ZBTB49: variants seen among roughly 807,000 people sequenced by gnomAD.
ZBTB49 encodes zinc finger and BTB domain-containing protein 49.
Under a neutral mutation model 57.5 loss-of-function variants are expected in ZBTB49, and 43 were observed. That is an observed-to-expected ratio of 0.75 (90% CI 0.59 to 0.97). The LOEUF (loss-of-function observed/expected upper bound fraction) is 0.97. Ranked by LOEUF, ZBTB49 falls within the 50% of genes least tolerant of loss-of-function variation. The pLI is 0.00. For synonymous variants in ZBTB49, 369 were observed against 362.1 expected (o/e 1.02, Z -0.22); for missense variants, 938 against 947.7 (o/e 0.99, Z 0.13).
chr4:4,311,038 T>C (rs1720964025), intron 4 of ZBTB49, among the ~76,000 whole-genome samples: 1 of 152,230 alleles, frequency 6.6e-6, no homozygotes, highest in African/African-American at 2.4e-5. Flanking sequence ...TTAGTTTTAT[T>C]TAATCTGCTT....
chr4:4,301,798 A>G (rs1005043369), intron 2 of ZBTB49, among the ~76,000 whole-genome samples, 191 bp from the exon 3 acceptor site: 2 of 146,156 alleles, frequency 1.4e-5, no homozygotes, highest in Admixed American at 7.2e-5. Flanking sequence ...CAATCCACCA[A>G]TTTAATTCAT....
At chr4:4,298,901 G>A (rs1720341106) in intron 1 of ZBTB49, among the ~76,000 whole-genome samples, 1 of 152,206 alleles carries the variant, frequency 6.6e-6, no homozygotes, top group African/African-American at 2.4e-5. Context: ...TCGTGCATCA[G>A]GCACTTTCGT....
In ZBTB49 at chr4:4,321,055, G is replaced by A; in HGVS notation, c.2037G>A (p.Lys679=). The change falls in exon 8 of 8, where the codon AAG becomes AAA. Residue 679 remains lysine (K), a synonymous_variant. Transcript: ENST00000337872. ...KLSLDPGKLA[K]PQMQQTQPQA... ...GTTTGGATCCTGGTAAACTTGCCAA[G>A]CCCCAGATGCAGCAGACACAGCCTC... 3 of 1,614,202 alleles carry A rather than the reference G, an allele frequency of 1.9e-6. No homozygotes were observed. The highest frequency in any genetic ancestry group is 2.5e-6 in the Non-Finnish European group (3 of 1,180,042).
At chr4:4,296,560 G>A (rs922378249) in intron 1 of ZBTB49, among the ~76,000 whole-genome samples, 4 of 152,190 alleles carry the variant, frequency 2.6e-5, no homozygotes, top group African/African-American at 7.2e-5. Flanking sequence ...AGATTGTGAG[G>A]CCTCTCCAGG....
rs565933595 is a variant in ZBTB49 at position 4,319,271 on chromosome 4, T to A, written c.1622-1369T>A. Among the ~76,000 whole-genome samples, 363 of 149,764 alleles carry A rather than the reference T, an allele frequency of 2.4e-3. 3 individuals are homozygous for A. The highest frequency in any genetic ancestry group is 3.2e-3 in the Non-Finnish European group (212 of 67,222). Reference sequence around the variant, plus strand: ...ATCCAGTTTGATTATTCAAAGGCTTTAAAAAAAAAATAGCCTAGCCATTGC... The same window carrying A: ...ATCCAGTTTGATTATTCAAAGGCTTAAAAAAAAAAATAGCCTAGCCATTGC... On this transcript the variant is annotated intron_variant, in intron 7 of 7. Coordinates refer to ENST00000337872, the MANE Select transcript of ZBTB49 (RefSeq NM_145291.4).
rs1720522040 is a variant in ZBTB49 at position 4,302,366 on chromosome 4, C to T, written c.530C>T (p.Ala177Val). The change falls in exon 3 of 8, where the codon GCT becomes GTT. Residue 177 changes from alanine to valine, a missense_variant. This residue lies in a region of ZBTB49 where 835 missense variants were observed against 819.1 expected (regional missense o/e 1.02). Transcript: ENST00000337872. ...ACGTTGGATGAATCGCATCCGCATG[C>T]TTCACCATCAGTTAATCGTCATCAC... is the stretch of plus-strand genomic sequence containing the variant. ...NKTLDESHPH[A>V]SPSVNRHHSA... 6.2e-7 allele frequency: 1 copy of T among 1,614,250 alleles called. No homozygotes were observed. The highest frequency in any genetic ancestry group is 1.3e-5 in the African/African-American group (1 of 75,064).
chr4:4,311,291 T>A (rs148001846), intron 4 of ZBTB49, among the ~76,000 whole-genome samples: 1 of 152,320 alleles, frequency 6.6e-6, no homozygotes, highest in Admixed American at 6.5e-5. Context: ...GAATACATAG[T>A]TTACAAAATA....
Position 4,302,038 on chromosome 4 carries a change from G to A in ZBTB49, c.202G>A (p.Asp68Asn), listed in dbSNP as rs762458280. 3.1e-6 allele frequency: 5 copies of A among 1,590,798 alleles called. No individual in the cohort carries two copies. In the South Asian group the frequency reaches 4.6e-5, roughly 15 times the overall value. The change falls in exon 3 of 8, where the codon GAT (aspartate) becomes AAT (asparagine). Residue 68 changes from aspartate (D) to asparagine (N), a missense_variant. Around this residue, in one of 3 missense-constraint regions of ZBTB49, gnomAD observed 100 missense variants for 112.5 expected, o/e 0.89. Transcript: ENST00000337872. ...CCAGAAGAATGATGTTTTTCACTTG[G>A]ATGTTAAAAATGTCAGTGGCATAGG... ...SSQKNDVFHL[D>N]VKNVSGIGQI...
chr4:4,306,506 A>C (rs553376763), intron 4 of ZBTB49, among the ~76,000 whole-genome samples: 94 of 152,330 alleles, frequency 6.2e-4, no homozygotes, highest in African/African-American at 2.2e-3. Flanking sequence ...TGGAGGCTGC[A>C]CATTGTGCTG....
At chr4:4,297,674 TGTG>T (rs1395481197) in intron 1 of ZBTB49, among the ~76,000 whole-genome samples, 2 of 151,544 alleles carry the variant, frequency 1.3e-5, no homozygotes, top group Non-Finnish European at 2.9e-5. Context: ...TAGTCACAGT[TGTG>T]GTGGGAGGAT....
intron 7 of ZBTB49, among the ~76,000 whole-genome samples, chr4:4,318,882 G>GT (rs1258030242): frequency 3.9e-5 from 3 of 77,456 alleles, no homozygotes; most frequent in Non-Finnish European, 5.4e-5. Context: ...TTTGGTTTTT[G>GT]TTTTTTTTAA....
Position 4,306,064 on chromosome 4 carries a change from A to C in ZBTB49, c.1256-74A>C. ...TAATGCCATTTTGAAAGTACATAGG[A>C]GGTCATTTAAACAAAAAATTATTGA... On this transcript the variant is annotated intron_variant, in intron 3 of 7. Coordinates refer to ENST00000337872, the MANE Select transcript of ZBTB49 (RefSeq NM_145291.4). 2.4e-6 allele frequency: 3 copies of C among 1,244,134 alleles called. No homozygotes were observed. In the East Asian group the frequency reaches 7.0e-5, roughly 29 times the overall value. 77.1% of individuals were successfully genotyped at this position (1,244,134 alleles called of 1,614,324 possible). A position where few individuals can be genotyped will look rare whatever the true frequency, so the allele number is the denominator to read the frequency against.
At position 4,302,028 on chromosome 4, in the gene ZBTB49, T is replaced by A. The variant is rs1720493807; in HGVS notation, c.192T>A (p.Val64=). The A allele has an allele frequency of 6.3e-7, 1 of 1,587,408 alleles. No homozygotes were observed. Among genetic ancestry groups the A allele is most frequent in the Admixed American group, 1.8e-5 (1 of 56,950 alleles). Residue 64 remains valine (V), a synonymous_variant, in exon 3 of 8, where the codon GTT becomes GTA. Transcript: ENST00000337872. Reference sequence around the variant, plus strand: ...ATTCTTCAAGCCAGAAGAATGATGTTTTTCACTTGGATGTTAAAAATGTCA... The same window carrying A: ...ATTCTTCAAGCCAGAAGAATGATGTATTTCACTTGGATGTTAAAAATGTCA... The part of the protein sequence containing the change: ...FQNSSSQKND[V]FHLDVKNVSG...
chr4:4,320,551 G>T, intron 7 of ZBTB49, 89 bp from the exon 8 acceptor site: 5 of 1,522,994 alleles, frequency 3.3e-6, no homozygotes, highest in Non-Finnish European at 4.4e-6. Flanking sequence ...GAGGAAGAAG[G>T]ATTGTTTGAG....
rs992447587 is a variant in ZBTB49 at position 4,294,867 on chromosome 4, G to A, written c.-20+4515G>A. On this transcript the variant is annotated intron_variant, in intron 1 of 7. Coordinates refer to ENST00000337872, the MANE Select transcript of ZBTB49 (RefSeq NM_145291.4). ...TAATTTTAACAGGTCTGTGGAGGAG[G>A]GTTTCGTGTGTGTGTGTGTGTGTGT... is the stretch of plus-strand genomic sequence containing the variant. Among the ~76,000 whole-genome samples the A allele has an allele frequency of 1.6e-4, 21 of 134,818 alleles. No homozygotes were observed. In the East Asian group the frequency reaches 4.4e-3, roughly 28 times the overall value. 88.4% of individuals were successfully genotyped at this position (134,818 alleles called of 152,430 possible).
chr4:4,321,487 G>T lies in ZBTB49; in HGVS notation c.*171G>T, dbSNP rs937851742. 23 of 769,262 alleles carry T rather than the reference G, an allele frequency of 3.0e-5. 1 individual carries two copies. Among genetic ancestry groups the T allele is most frequent in the Middle Eastern group, 7.4e-4 (2 of 2,718 alleles). 47.7% of individuals were successfully genotyped at this position (769,262 alleles called of 1,614,324 possible). On this transcript the variant is annotated 3_prime_UTR_variant, in exon 8 of 8. Transcript: ENST00000337872. ...GAAGCATCTTGAGCTGGGGGTGTGA[G>T]GGGGAGGGCCTGCTGGCTCACCGTG... is the stretch of plus-strand genomic sequence containing the variant.
rs373035362 is a variant in ZBTB49 at position 4,303,128 on chromosome 4, C to T, written c.1255+37C>T. The T allele has an allele frequency of 1.8e-4, 276 of 1,525,766 alleles. 2 individuals carry two copies. Among genetic ancestry groups the T allele is most frequent in the South Asian group, 1.2e-3 (87 of 75,082 alleles). 94.5% of individuals were successfully genotyped at this position (1,525,766 alleles called of 1,614,324 possible). On this transcript the variant is annotated intron_variant, in intron 3 of 7. Transcript: ENST00000337872. ...AGTACCCACAGGCAGAAGGGAAGGA[C>T]GTAATGCGGATGCTCAGACACCACT... is the stretch of plus-strand genomic sequence containing the variant.
chr4:4,315,869 T>G lies in ZBTB49; in HGVS notation c.1520T>G (p.Phe507Cys). The G allele has an allele frequency of 6.2e-7, 1 of 1,614,238 alleles. No homozygotes were observed. Among genetic ancestry groups the G allele is most frequent in the Non-Finnish European group, 8.5e-7 (1 of 1,180,034 alleles). Residue 507 changes from phenylalanine (F) to cysteine (C), a missense_variant, in exon 7 of 8, where the codon TTC becomes TGC. Around this residue, in one of 3 missense-constraint regions of ZBTB49, gnomAD observed 835 missense variants for 819.1 expected, o/e 1.02. Coordinates refer to ENST00000337872, the MANE Select transcript of ZBTB49 (RefSeq NM_145291.4). ...AAGACACACACGGCTGATAAAGTCTTCACCTGTGATGAGTGTGGAAAGTCT... is the reference window on the plus strand; with the variant it reads ...AAGACACACACGGCTGATAAAGTCTGCACCTGTGATGAGTGTGGAAAGTCT... ...HKKTHTADKV[F>C]TCDECGKSFN...
intron 4 of ZBTB49, among the ~76,000 whole-genome samples, chr4:4,310,357 C>G (rs1437393026): frequency 1.3e-5 from 2 of 152,206 alleles, no homozygotes; most frequent in African/African-American, 4.8e-5. Context: ...ACTAACCTCT[C>G]AGAGCCTCTG....
Sources: allele counts gnomAD v4.1 joint callset (sites outside exome capture counted in the v4.1 genomes callset), GRCh38; gene constraint gnomAD v4.1.1; regional missense constraint gnomAD v4.1.1; transcripts MANE v1.5; gene names NCBI Gene and HGNC (gene_info 2026-07-23, HGNC 2026-07-21).